TMEM132B: variants seen among roughly 807,000 people sequenced by gnomAD.
TMEM132B encodes transmembrane protein 132B.
TMEM132B carries 18 observed loss-of-function variants against 90.8 expected under a neutral mutation model. That is an observed-to-expected ratio of 0.20 (90% confidence interval 0.14 to 0.29). The LOEUF is 0.29. Ranked by LOEUF, TMEM132B falls within the 10% of genes least tolerant of loss-of-function variation. The pLI is 1.00. For synonymous variants in TMEM132B, 504 were observed against 523.3 expected, an observed-to-expected ratio of 0.96 and a Z score of 0.50; for missense variants, 1,096 against 1,326.8, an observed-to-expected ratio of 0.83 and a Z score of 2.70.
chr12:125,590,548 G>A (rs566417012), intron 5 of TMEM132B, among the ~76,000 whole-genome samples: 3 of 152,148 alleles, frequency 2.0e-5, no homozygotes, highest in East Asian at 1.9e-4. Context: ...ATTTGGCATC[G>A]GGTAAAGACT....
In TMEM132B at chr12:125,490,959, G is replaced by A. The variant is rs1441197696; in HGVS notation, c.1107-28480G>A. Among the ~76,000 whole-genome samples the A allele has an allele frequency of 1.3e-5, 2 of 152,180 alleles. No individual in the cohort carries two copies. The highest frequency in any genetic ancestry group is 2.9e-5 in the Non-Finnish European group (2 of 68,034). On this transcript the variant is annotated intron_variant, in intron 3 of 8. Coordinates refer to ENST00000682704, the MANE Select transcript of TMEM132B (RefSeq NM_001366854.1). The surrounding 1 kb of genome is among the most constrained non-coding windows in gnomAD (Gnocchi z 4.2). The stretch of plus-strand genomic sequence containing the variant: ...AAGGACACTCAAGCAGCTTTATGGA[G>A]AGGCCCATGTGGTGAAAGACTGAGG...
In TMEM132B at chr12:125,262,449, C is replaced by T. The variant is rs544688567; in HGVS notation, c.67+75583C>T. The stretch of plus-strand genomic sequence containing the variant: ...GCTGTATTTTTGGTCTGTCTTGAAA[C>T]AGAGAAAGCACTGGCAACATTGGCT... On this transcript the variant is annotated intron_variant, in intron 1 of 8. Coordinates refer to ENST00000682704, the MANE Select transcript of TMEM132B (RefSeq NM_001366854.1). 1.0e-3 allele frequency among the ~76,000 whole-genome samples: 155 copies of T among 152,196 alleles called. 1 individual carries two copies. Among genetic ancestry groups the T allele is most frequent in the African/African-American group, 3.3e-3 (138 of 41,544 alleles).
At chr12:125,374,646 G>A (rs562243220) in intron 2 of TMEM132B, among the ~76,000 whole-genome samples, 7 of 140,688 alleles carry the variant, frequency 5.0e-5, no homozygotes, top group Non-Finnish European at 7.8e-5. Flanking sequence ...CCCCGACCCC[G>A]CCCCGCCCCG....
chr12:125,629,530 G>GT (rs200843882), intron 5 of TMEM132B, among the ~76,000 whole-genome samples: 1,982 of 152,116 alleles, frequency 0.013, 51 homozygotes, highest in African/African-American at 0.045. Flanking sequence ...AGTTCTAATA[G>GT]TTTTTTGGTG....
chr12:125,490,839 T>A lies in TMEM132B; in HGVS notation c.1107-28600T>A, dbSNP rs1466633551. On this transcript the variant is annotated intron_variant, in intron 3 of 8. Transcript: ENST00000682704. The surrounding 1 kb of genome is among the most constrained non-coding windows in gnomAD (Gnocchi z 4.2). ...AAAGTACTCTATGGTGAAAGCAATG[T>A]GCCACTTAAAAGACTAGGTCTCAAA... 6.6e-6 allele frequency among the ~76,000 whole-genome samples: 1 copy of A among 152,224 alleles called. No individual in the cohort carries two copies. Among genetic ancestry groups the A allele is most frequent in the Non-Finnish European group, 1.5e-5 (1 of 68,042 alleles).
At chr12:125,525,026 G>A (rs1883410105) in intron 4 of TMEM132B, among the ~76,000 whole-genome samples, 1 of 152,146 alleles carries the variant, frequency 6.6e-6, no homozygotes, top group Non-Finnish European at 1.5e-5. Flanking sequence ...AATGATGTGT[G>A]TAATGAGTAG....
chr12:125,380,559 A>G (rs1878649781), intron 2 of TMEM132B, among the ~76,000 whole-genome samples: 1 of 152,160 alleles, frequency 6.6e-6, no homozygotes, highest in Non-Finnish European at 1.5e-5. Context: ...ACGTCATTGG[A>G]GTGGGGCACG....
intron 5 of TMEM132B, among the ~76,000 whole-genome samples, chr12:125,638,971 G>T (rs1385299381): frequency 6.6e-6 from 1 of 152,114 alleles, no homozygotes; most frequent in East Asian, 1.9e-4. Context: ...AGATTAACAT[G>T]ACACAAATCA....
chr12:125,526,255 C>T (rs1188740702), intron 4 of TMEM132B, among the ~76,000 whole-genome samples: 1 of 152,232 alleles, frequency 6.6e-6, no homozygotes, highest in Non-Finnish European at 1.5e-5. Context: ...GAAGGCTCTT[C>T]TTAGCCTCCC....
Position 125,653,732 on chromosome 12 carries a change from A to G in TMEM132B, c.2274A>G (p.Glu758=), listed in dbSNP as rs769774909. 2.2e-5 allele frequency: 35 copies of G among 1,614,202 alleles called. No homozygotes were observed. The highest frequency in any genetic ancestry group is 2.9e-5 in the Non-Finnish European group (34 of 1,180,036). ...SKWPIVVAEG[E]GQGPLIKLEM... ...GGCCAATTGTGGTTGCAGAGGGTGA[A>G]GGACAAGGGCCTTTGATTAAGTTAG... is the stretch of plus-strand genomic sequence containing the variant. The change falls in exon 9 of 9, where the codon GAA becomes GAG. Residue 758 remains glutamate (E), a synonymous_variant. Coordinates refer to ENST00000682704, the MANE Select transcript of TMEM132B (RefSeq NM_001366854.1).
chr12:125,555,599 G>A (rs1031478332), intron 4 of TMEM132B, among the ~76,000 whole-genome samples: 2 of 149,838 alleles, frequency 1.3e-5, no homozygotes, highest in Non-Finnish European at 3.0e-5. Flanking sequence ...AGCATTAGGA[G>A]ATATACCTAA....
chr12:125,513,697 T>C (rs1001920783), intron 3 of TMEM132B, among the ~76,000 whole-genome samples: 1 of 152,228 alleles, frequency 6.6e-6, no homozygotes, highest in African/African-American at 2.4e-5. Flanking sequence ...GCCCTTCAGG[T>C]CTCAGCTCAG....
chr12:125,584,064 AGG>A, intron 5 of TMEM132B, 70 bp downstream of exon 5: 1 of 1,607,930 alleles, frequency 6.2e-7, no homozygotes, highest in Non-Finnish European at 8.5e-7. Flanking sequence ...TTTGTCTCCA[AGG>A]TCTTGTTCTC....
intron 3 of TMEM132B, among the ~76,000 whole-genome samples, chr12:125,488,549 G>T (rs747087550): frequency 3.3e-5 from 5 of 152,140 alleles, no homozygotes; most frequent in South Asian, 2.1e-4. Context: ...AATGGGAACT[G>T]CCCTGCACAA....
intron 1 of TMEM132B, among the ~76,000 whole-genome samples, chr12:125,347,008 C>T (rs1043032169): frequency 6.6e-6 from 1 of 150,726 alleles, no homozygotes; most frequent in African/African-American, 2.4e-5. Flanking sequence ...TGTTATAAAT[C>T]ATGCTTGCGA....
intron 4 of TMEM132B, among the ~76,000 whole-genome samples, chr12:125,568,016 C>T (rs969740968): frequency 1.3e-5 from 2 of 152,308 alleles, no homozygotes; most frequent in South Asian, 2.1e-4. Flanking sequence ...GCGTCTGTCT[C>T]TCTCCCTGAC....
intron 1 of TMEM132B, among the ~76,000 whole-genome samples, chr12:125,273,052 A>T (rs1207979540): frequency 1.3e-5 from 2 of 152,230 alleles, no homozygotes; most frequent in South Asian, 2.1e-4. Flanking sequence ...ACTTGAATAG[A>T]TACAAAATCA....
intron 2 of TMEM132B, among the ~76,000 whole-genome samples, chr12:125,398,298 T>G (rs1879221185): frequency 6.6e-6 from 1 of 152,168 alleles, no homozygotes; most frequent in African/African-American, 2.4e-5. Flanking sequence ...TTTATATATG[T>G]GCCTTCTAGG....
At chr12:125,422,300 C>T (rs1242492494) in intron 3 of TMEM132B, among the ~76,000 whole-genome samples, 1 of 152,210 alleles carries the variant, frequency 6.6e-6, no homozygotes, top group African/African-American at 2.4e-5. Context: ...GTGGTCAAAG[C>T]AGTCCGACTT....
Sources: allele counts gnomAD v4.1 joint callset (sites outside exome capture counted in the v4.1 genomes callset), GRCh38; gene constraint gnomAD v4.1.1; non-coding constraint Gnocchi (gnomAD v3.1); transcripts MANE v1.5; gene names NCBI Gene and HGNC (gene_info 2026-07-23, HGNC 2026-07-21).